Variants in CHRM3 observed in about 807,000 individuals in gnomAD.
The protein encoded by CHRM3 is muscarinic acetylcholine receptor M3.
Under a neutral mutation model 41.8 loss-of-function variants are expected in CHRM3, and 11 were observed. That is an observed-to-expected ratio of 0.26 (90% confidence interval 0.17 to 0.44). The LOEUF (loss-of-function observed/expected upper bound fraction) is 0.44, where lower values mean the gene tolerates loss of function less well. Among genes scored for constraint, CHRM3 ranks in the 20% least tolerant of loss-of-function variants. CHRM3 has a pLI of 1.00. For missense variants in CHRM3, 571 were observed against 745.4 expected (o/e 0.77, Z 2.72); for synonymous variants, 297 against 301.4 (o/e 0.99, Z 0.15).
chr1:239,813,382 A>C (rs1452720568), intron 5 of CHRM3, among the ~76,000 whole-genome samples: 1 of 152,222 alleles, frequency 6.6e-6, no homozygotes, highest in Non-Finnish European at 1.5e-5. Context: ...AATAAAACTT[A>C]AAGAGAGAAA....
intron 1 of CHRM3, among the ~76,000 whole-genome samples, chr1:239,412,023 T>C (rs866869952): frequency 1.1e-4 from 16 of 151,758 alleles, no homozygotes; most frequent in Middle Eastern, 3.4e-3. Context: ...TTAGCCCTCT[T>C]ATAAATCTCT....
At chr1:239,697,648 G>A (rs146502816) in intron 5 of CHRM3, among the ~76,000 whole-genome samples, 1 of 152,156 alleles carries the variant, frequency 6.6e-6, no homozygotes. Flanking sequence ...ACACATAAGA[G>A]AGAGGGAGGC....
chr1:239,894,236 C>T (rs1678792757), intron 6 of CHRM3, among the ~76,000 whole-genome samples: 1 of 152,176 alleles, frequency 6.6e-6, no homozygotes, highest in Admixed American at 6.5e-5. Context: ...ATATTGTCTT[C>T]AAGGGATGAA....
chr1:239,460,424 A>T (rs1401488327), intron 1 of CHRM3, among the ~76,000 whole-genome samples: 1 of 152,196 alleles, frequency 6.6e-6, no homozygotes, highest in African/African-American at 2.4e-5. Context: ...ACCAAACTCC[A>T]TCCCAGAATG....
At position 239,501,907 on chromosome 1, in the gene CHRM3, C is replaced by T. The variant is rs531463053; in HGVS notation, c.-422+9100C>T. 5.3e-5 allele frequency among the ~76,000 whole-genome samples: 8 copies of T among 152,174 alleles called. No homozygotes were observed. The South Asian group carries it at 1.7e-3, about 32-fold the overall frequency. On this transcript the variant is annotated intron_variant, in intron 2 of 6. Coordinates refer to ENST00000676153, the MANE Select transcript of CHRM3 (RefSeq NM_001375978.1). ...CAGTAATGACACAACCTATCAAAAC[C>T]TCTGGGATACAGCAAAGGCGGTGCT...
chr1:239,653,713 G>A (rs929885950), intron 4 of CHRM3, among the ~76,000 whole-genome samples: 2 of 152,178 alleles, frequency 1.3e-5, no homozygotes, highest in African/African-American at 4.8e-5. Context: ...AGACAAGTAG[G>A]CATAGAGGAG....
At chr1:239,650,196 C>T (rs1411521170) in intron 4 of CHRM3, among the ~76,000 whole-genome samples, 1 of 151,554 alleles carries the variant, frequency 6.6e-6, no homozygotes, top group Non-Finnish European at 1.5e-5. Context: ...TGCCTCCACA[C>T]TTCTTCTGTA....
chr1:239,762,450 T>C (rs1050114584), intron 5 of CHRM3, among the ~76,000 whole-genome samples: 3 of 152,326 alleles, frequency 2.0e-5, no homozygotes, highest in Middle Eastern at 3.4e-3. Flanking sequence ...GGTACATAAA[T>C]GATCCTTAAT....
At chr1:239,780,990 A>C (rs1196002564) in intron 5 of CHRM3, among the ~76,000 whole-genome samples, 1 of 152,196 alleles carries the variant, frequency 6.6e-6, no homozygotes, top group Non-Finnish European at 1.5e-5. Context: ...TCCTTTCACC[A>C]ATAGAACACT....
intron 3 of CHRM3, among the ~76,000 whole-genome samples, chr1:239,567,400 T>G (rs904242678): frequency 2.0e-5 from 3 of 152,154 alleles, no homozygotes; most frequent in African/African-American, 7.2e-5. Context: ...TCCTATGTGA[T>G]GCAGTTAACA....
At chr1:239,547,687 A>C (rs1435446274) in intron 3 of CHRM3, among the ~76,000 whole-genome samples, 1 of 152,214 alleles carries the variant, frequency 6.6e-6, no homozygotes, top group African/African-American at 2.4e-5. Context: ...ATCATTGTAT[A>C]GTATGATTTT....
chr1:239,692,645 T>C (rs186245083), intron 5 of CHRM3, among the ~76,000 whole-genome samples: 2 of 152,266 alleles, frequency 1.3e-5, no homozygotes, highest in Admixed American at 6.5e-5. Flanking sequence ...GGAAAAGTTA[T>C]GAAAACTGAA....
chr1:239,897,683 T>C (rs1679123999), intron 6 of CHRM3, among the ~76,000 whole-genome samples: 1 of 152,206 alleles, frequency 6.6e-6, no homozygotes, highest in South Asian at 2.1e-4. Flanking sequence ...GTCTGCCCTT[T>C]CTGGGTGAAG....
chr1:239,503,311 A>T (rs1336994124), intron 2 of CHRM3, among the ~76,000 whole-genome samples: 2 of 152,038 alleles, frequency 1.3e-5, no homozygotes, highest in Non-Finnish European at 1.5e-5. Flanking sequence ...CCTTTTACAA[A>T]AGCTGCAAAA....
intron 6 of CHRM3, among the ~76,000 whole-genome samples, chr1:239,837,743 C>T (rs1673446497): frequency 6.6e-6 from 1 of 152,162 alleles, no homozygotes; most frequent in African/African-American, 2.4e-5. Flanking sequence ...CTGTTTATCT[C>T]CAATCACCAA....
intron 6 of CHRM3, among the ~76,000 whole-genome samples, chr1:239,865,258 C>T (rs756971547): frequency 6.6e-6 from 1 of 152,174 alleles, no homozygotes; most frequent in Non-Finnish European, 1.5e-5. Flanking sequence ...GTACAGCACA[C>T]TCCATCTGTG....
chr1:239,724,239 T>C (rs998022751), intron 5 of CHRM3, among the ~76,000 whole-genome samples: 27 of 151,844 alleles, frequency 1.8e-4, no homozygotes, highest in African/African-American at 6.5e-4. Context: ...GAGCTCTTAA[T>C]GAAATGAAGT....
At chr1:239,509,112 C>A (rs2148186901) in intron 2 of CHRM3, among the ~76,000 whole-genome samples, 1 of 152,324 alleles carries the variant, frequency 6.6e-6, no homozygotes, top group East Asian at 1.9e-4. Flanking sequence ...CACTTTACCT[C>A]AAACCACAAG....
intron 1 of CHRM3, among the ~76,000 whole-genome samples, chr1:239,438,247 G>C (rs6685478): frequency 0.58 from 87,509 of 152,010 alleles, 25,553 homozygotes; most frequent in African/African-American, 0.64. Context: ...CTCTATAAAA[G>C]TATAGCTGTA....
Sources: allele counts gnomAD v4.1 joint callset (sites outside exome capture counted in the v4.1 genomes callset), GRCh38; gene constraint gnomAD v4.1.1; transcripts MANE v1.5; gene names NCBI Gene and HGNC (gene_info 2026-07-23, HGNC 2026-07-21).